Variants in TRIO observed in about 807,000 individuals in gnomAD.
TRIO encodes trio Rho guanine nucleotide exchange factor, also known as triple functional domain protein.
Under a neutral mutation model 351.9 loss-of-function variants are expected in TRIO, and 58 were observed. That is an observed-to-expected ratio of 0.16 (90% CI 0.13 to 0.21). The LOEUF (loss-of-function observed/expected upper bound fraction) is 0.21, where lower values mean the gene tolerates loss of function less well. TRIO is among the 10% of genes least tolerant of loss of function. The probability of loss-of-function intolerance (pLI) is 1.00; values close to 1 mark genes in which losing one functional copy is unlikely to be tolerated. For synonymous variants in TRIO, 1,758 were observed against 1,595.7 expected, an observed-to-expected ratio of 1.10 and a Z score of -2.42; for missense variants, 3,201 against 4,027.8, an observed-to-expected ratio of 0.79 and a Z score of 5.56.
At chr5:14,367,083 C>A in intron 16 of TRIO, 104 bp downstream of exon 16, 1 of 1,510,892 alleles carries the variant, frequency 6.6e-7, no homozygotes, top group Non-Finnish European at 8.9e-7. Context: ...ATGGGGCTGG[C>A]TTGGTAAAGA....
chr5:14,501,478 G>A (rs1430066534), intron 53 of TRIO, among the ~76,000 whole-genome samples: 1 of 152,244 alleles, frequency 6.6e-6, no homozygotes, highest in Non-Finnish European at 1.5e-5. Flanking sequence ...TTGTAGTCAT[G>A]TAGCGGTCAG....
chr5:14,441,525 G>A (rs886315443), intron 34 of TRIO, among the ~76,000 whole-genome samples: 4 of 152,174 alleles, frequency 2.6e-5, no homozygotes, highest in African/African-American at 9.7e-5. Flanking sequence ...GGCTGTGTCT[G>A]GGAGATGGTT....
intron 31 of TRIO, 81 bp downstream of exon 31, chr5:14,401,145 A>G (rs746264562): frequency 2.6e-6 from 3 of 1,157,632 alleles, no homozygotes; most frequent in South Asian, 1.4e-5. Flanking sequence ...TTGTTTTCAT[A>G]TTATTATTAT....
chr5:14,472,520 AC>A (rs776669924), intron 38 of TRIO, 71 bp from the exon 39 acceptor site: 17 of 1,528,044 alleles, frequency 1.1e-5, no homozygotes, highest in Non-Finnish European at 1.4e-5. Flanking sequence ...GTCCATCTTG[AC>A]CAGGAGCAAA....
intron 9 of TRIO, among the ~76,000 whole-genome samples, chr5:14,322,343 A>T (rs1027801467): frequency 1.3e-5 from 2 of 152,136 alleles, no homozygotes; most frequent in Non-Finnish European, 2.9e-5. Context: ...GATGTTGGGG[A>T]ACTAGGGGTG....
chr5:14,469,612 A>G (rs1455660369), intron 37 of TRIO, among the ~76,000 whole-genome samples: 1 of 152,260 alleles, frequency 6.6e-6, no homozygotes, highest in African/African-American at 2.4e-5. Context: ...TAGGCTGGTG[A>G]CAGCCTTCTC....
intron 16 of TRIO, among the ~76,000 whole-genome samples, chr5:14,367,290 C>T (rs1744687759): frequency 6.6e-6 from 1 of 152,166 alleles, no homozygotes; most frequent in African/African-American, 2.4e-5. Context: ...TGCACTTTCT[C>T]TCATCTGGAA....
At chr5:14,412,281 C>A (rs913745873) in intron 33 of TRIO, among the ~76,000 whole-genome samples, 1 of 152,178 alleles carries the variant, frequency 6.6e-6, no homozygotes, top group South Asian at 2.1e-4. Context: ...AGCCACCATG[C>A]CCGGCCACGG....
intron 1 of TRIO, among the ~76,000 whole-genome samples, chr5:14,187,355 T>C (rs988548151): frequency 9.8e-5 from 15 of 152,342 alleles, no homozygotes; most frequent in Non-Finnish European, 5.9e-5. Context: ...TTTTGTTTTG[T>C]GTTTTTGATG....
chr5:14,345,194 A>G (rs1445571164), intron 11 of TRIO, among the ~76,000 whole-genome samples: 2 of 152,222 alleles, frequency 1.3e-5, no homozygotes, highest in Admixed American at 6.5e-5. Context: ...TCAAGTAGAG[A>G]AAAGTTTTAT....
intron 1 of TRIO, among the ~76,000 whole-genome samples, chr5:14,149,064 G>C (rs1241653884): frequency 6.6e-6 from 1 of 152,194 alleles, no homozygotes; most frequent in African/African-American, 2.4e-5. Flanking sequence ...GCTGTTCTGG[G>C]AATTCCTATT....
intron 9 of TRIO, among the ~76,000 whole-genome samples, chr5:14,324,991 GC>G (rs1338518543): frequency 1.3e-5 from 2 of 152,174 alleles, no homozygotes; most frequent in Non-Finnish European, 2.9e-5. Context: ...GAATTTCAGA[GC>G]TTTCTGTGGT....
chr5:14,286,548 A>G lies in TRIO; in HGVS notation c.348-323A>G, dbSNP rs1736459487. Among the ~76,000 whole-genome samples, 2 of 152,126 alleles carry G rather than the reference A, an allele frequency of 1.3e-5. No individual in the cohort carries two copies. Among genetic ancestry groups the G allele is most frequent in the Admixed American group, 1.3e-4 (2 of 15,284 alleles). ...AGGAGTGACTGGAGGAGTTCATGTA[A>G]TCAATTAATGCACCAAAGTCAGGAG... On this transcript the variant is annotated intron_variant, in intron 3 of 56. Transcript: ENST00000344204. This position sits in a 1 kb window ranked among gnomAD's most constrained non-coding sequence, Gnocchi z 4.4.
At chr5:14,219,476 G>C (rs564579142) in intron 1 of TRIO, among the ~76,000 whole-genome samples, 2 of 152,184 alleles carry the variant, frequency 1.3e-5, no homozygotes, top group Admixed American at 6.5e-5. Flanking sequence ...AATGCTGCCC[G>C]CGTGTTTGGA....
chr5:14,479,332 C>T lies in TRIO; in HGVS notation c.6225C>T (p.Tyr2075=). Residue 2075 remains tyrosine (Y), a synonymous_variant, in exon 42 of 57, where the codon TAC becomes TAT. Transcript: ENST00000344204. Reference sequence around the variant, plus strand: ...AGTCTGAGCACATTGTCTCAGAATACATTGATACCTTTTTTGAGGTAAGAC... The same window carrying T: ...AGTCTGAGCACATTGTCTCAGAATATATTGATACCTTTTTTGAGGTAAGAC... ...KPKSEHIVSE[Y]IDTFFEDLKQ... The T allele has an allele frequency of 1.2e-6, 2 of 1,612,782 alleles. No individual in the cohort carries two copies. Among genetic ancestry groups the T allele is most frequent in the South Asian group, 1.1e-5 (1 of 90,816 alleles).
chr5:14,229,363 T>G (rs1279664464), intron 1 of TRIO, among the ~76,000 whole-genome samples: 1 of 152,242 alleles, frequency 6.6e-6, no homozygotes, highest in African/African-American at 2.4e-5. Flanking sequence ...CAGTGAAACT[T>G]CATTTACAAA....
rs201990726 is a variant in TRIO, at chr5:14,474,101, C to T, written c.6083+4C>T. On this transcript the variant is annotated splice_donor_region_variant and intron_variant, in intron 40 of 56. Transcript: ENST00000344204. ...AGATTTACGACTGGCACAGAGAGTA[C>T]GTAAACATGCATTGTGCCCGATGGT... 4.5e-5 allele frequency: 73 copies of T among 1,610,644 alleles called. No individual in the cohort carries two copies. The East Asian group carries it at 7.6e-4, about 17-fold the overall frequency.
Position 14,487,796 on chromosome 5 carries a change from C to A in TRIO, c.7168C>A (p.Pro2390Thr). 7.1e-7 allele frequency: 1 copy of A among 1,401,280 alleles called. No homozygotes were observed. The highest frequency in any genetic ancestry group is 9.3e-7 in the Non-Finnish European group (1 of 1,076,926). 86.8% of individuals were successfully genotyped at this position (1,401,280 alleles called of 1,614,324 possible). A position where few individuals can be genotyped will look rare whatever the true frequency, so the allele number is the denominator to read the frequency against. Residue 2390 changes from proline (P) to threonine (T), a missense_variant, in exon 48 of 57, where the codon CCC becomes ACC. Transcript: ENST00000344204. Reference protein sequence around the residue: ...GAAPEAGPSAPSRRPPGADAE... With the variant: ...GAAPEAGPSATSRRPPGADAE... ...GGCCCCCGAGGCCGGCCCCAGCGCG[C>A]CCAGCAGGCGGCCCCCCGGCGCGGA...
chr5:14,438,662 G>T (rs1751786541), intron 34 of TRIO, among the ~76,000 whole-genome samples: 1 of 152,218 alleles, frequency 6.6e-6, no homozygotes, highest in South Asian at 2.1e-4. Context: ...TGCCACCATG[G>T]TAGAAATAGG....
Sources: allele counts gnomAD v4.1 joint callset (sites outside exome capture counted in the v4.1 genomes callset), GRCh38; gene constraint gnomAD v4.1.1; non-coding constraint Gnocchi (gnomAD v3.1); transcripts MANE v1.5; gene names NCBI Gene and HGNC (gene_info 2026-07-23, HGNC 2026-07-21).